The following VPS13B variants were observed in gnomAD, a reference collection of about 807,000 sequenced individuals.
VPS13B encodes the protein vacuolar protein sorting 13 homolog B.
Under a neutral mutation model 426.4 loss-of-function variants are expected in VPS13B, and 285 were observed. The observed-to-expected ratio is 0.67, with a 90% CI of 0.61 to 0.74. VPS13B has a LOEUF of 0.74. VPS13B is among the 30% of genes least tolerant of loss of function. The pLI is 0.00. For missense variants in VPS13B, 4,537 were observed against 4,782.6 expected (o/e 0.95, Z 1.51); for synonymous variants, 1,676 against 1,676.4 (o/e 1.00, Z 0.01).
intron 2 of VPS13B, among the ~76,000 whole-genome samples, chr8:99,027,644 GTT>G (rs1842207883): frequency 6.6e-6 from 1 of 151,774 alleles, no homozygotes; most frequent in Non-Finnish European, 1.5e-5. Flanking sequence ...CTCACAGTTT[GTT>G]TTCTTTCATC....
Position 99,055,514 on chromosome 8 carries a change from A to G in VPS13B, c.291+16948A>G, listed in dbSNP as rs570481439. ...TTAACGATGTTAAGTATAGTGATCC[A>G]TGAACATGGGATGCCTTTCTATTTA... On this transcript the variant is annotated intron_variant, in intron 3 of 61. Coordinates refer to ENST00000357162, the MANE Select transcript of VPS13B (RefSeq NM_152564.5). Among the ~76,000 whole-genome samples, 236 of 152,328 alleles carry G rather than the reference A, an allele frequency of 1.5e-3. 1 individual carries two copies. Among genetic ancestry groups the G allele is most frequent in the Middle Eastern group, 3.4e-3 (1 of 294 alleles).
At chr8:99,319,630 A>G (rs1330611791) in intron 19 of VPS13B, among the ~76,000 whole-genome samples, 2 of 152,176 alleles carry the variant, frequency 1.3e-5, no homozygotes, top group Admixed American at 6.5e-5. Flanking sequence ...CAGAAACACT[A>G]ATTTTTAAAA....
At chr8:99,228,754 G>A (rs770063471) in intron 17 of VPS13B, among the ~76,000 whole-genome samples, 11 of 152,168 alleles carry the variant, frequency 7.2e-5, no homozygotes, top group Non-Finnish European at 1.3e-4. Flanking sequence ...TACAGATTGC[G>A]GGAGCTCCTT....
rs554272433 is a variant in VPS13B at position 99,842,019 on chromosome 8, C to T, written c.9942+6281C>T. Among the ~76,000 whole-genome samples, 10 of 152,318 alleles carry T rather than the reference C, an allele frequency of 6.6e-5. No individual in the cohort carries two copies. In the East Asian group the frequency reaches 1.9e-3, roughly 29 times the overall value. ...CCGTCTCACTCCTGTTCCCCCTCTA[C>T]AGGCCAGGGCTCAATCACCTCTTCC... is the stretch of plus-strand genomic sequence containing the variant. On this transcript the variant is annotated intron_variant, in intron 54 of 61. Transcript: ENST00000357162.
intron 20 of VPS13B, among the ~76,000 whole-genome samples, chr8:99,389,062 T>C (rs984827091): frequency 1.3e-5 from 2 of 151,970 alleles, no homozygotes; most frequent in Admixed American, 1.3e-4. Context: ...GGCAGGAGAA[T>C]CGCTTGAACC....
intron 25 of VPS13B, among the ~76,000 whole-genome samples, chr8:99,500,836 G>A (rs760319845): frequency 2.0e-5 from 3 of 152,142 alleles, no homozygotes; most frequent in Non-Finnish European, 4.4e-5. Flanking sequence ...TTCTGCATTT[G>A]AGACTGAAGC....
At chr8:99,806,358 T>G (rs1240568075) in intron 43 of VPS13B, among the ~76,000 whole-genome samples, 1 of 152,194 alleles carries the variant, frequency 6.6e-6, no homozygotes, top group Non-Finnish European at 1.5e-5. Flanking sequence ...ACTATCATCT[T>G]TGCCAGTTGA....
At chr8:99,631,194 C>G (rs999927548) in intron 33 of VPS13B, among the ~76,000 whole-genome samples, 4 of 151,856 alleles carry the variant, frequency 2.6e-5, no homozygotes, top group African/African-American at 9.7e-5. Flanking sequence ...TCTTGTTGTT[C>G]CAGGTCCAAA....
chr8:99,694,579 A>G (rs867570188), intron 35 of VPS13B, among the ~76,000 whole-genome samples: 2,111 of 100,516 alleles, frequency 0.021, 33 homozygotes, highest in Middle Eastern at 0.065. Flanking sequence ...CGTTAGACCT[A>G]AAACCATAAA....
chr8:99,409,578 A>G (rs949010303), intron 21 of VPS13B, among the ~76,000 whole-genome samples: 3 of 152,186 alleles, frequency 2.0e-5, no homozygotes, highest in African/African-American at 7.2e-5. Flanking sequence ...TAAATTACCA[A>G]AAAATAATCA....
At chr8:99,211,151 A>G (rs1815068889) in intron 17 of VPS13B, among the ~76,000 whole-genome samples, 1 of 152,084 alleles carries the variant, frequency 6.6e-6, no homozygotes, top group African/African-American at 2.4e-5. Context: ...AAATTTTCTT[A>G]TAGGAATGAG....
At chr8:99,727,331 A>G (rs985628748) in intron 39 of VPS13B, among the ~76,000 whole-genome samples, 15 of 152,242 alleles carry the variant, frequency 9.9e-5, no homozygotes, top group Non-Finnish European at 1.5e-4. Context: ...AGACAAAGAT[A>G]TGCAAAGTAA....
chr8:99,865,136 T>C (rs1365221230), intron 58 of VPS13B, among the ~76,000 whole-genome samples: 1 of 152,170 alleles, frequency 6.6e-6, no homozygotes, highest in Non-Finnish European at 1.5e-5. Flanking sequence ...CATGACAGTT[T>C]TCCAAGAGCA....
chr8:99,677,545 A>G (rs1445946650), intron 35 of VPS13B, among the ~76,000 whole-genome samples: 3 of 152,202 alleles, frequency 2.0e-5, no homozygotes, highest in South Asian at 2.1e-4. Context: ...TTTTTCAACT[A>G]TAACTTTTAT....
chr8:99,184,945 G>T (rs374554231), intron 16 of VPS13B, among the ~76,000 whole-genome samples: 1 of 152,150 alleles, frequency 6.6e-6, no homozygotes, highest in Non-Finnish European at 1.5e-5. Flanking sequence ...AGCTGAGATC[G>T]TGCCACTGCA....
intron 58 of VPS13B, among the ~76,000 whole-genome samples, chr8:99,867,176 A>T (rs1817150142): frequency 6.6e-6 from 1 of 152,218 alleles, no homozygotes. Context: ...TTTGAATTGA[A>T]AACAGAGAAT....
chr8:99,135,541 G>A (rs1810028657), intron 10 of VPS13B, 55 bp from the exon 11 acceptor site: 3 of 1,588,286 alleles, frequency 1.9e-6, no homozygotes, highest in South Asian at 2.3e-5. Flanking sequence ...GTTTTATTTT[G>A]TTTAACAGGC....
chr8:99,778,611 A>G (rs1265774178), intron 41 of VPS13B, 71 bp from the exon 42 acceptor site: 23 of 1,351,426 alleles, frequency 1.7e-5, no homozygotes, highest in Non-Finnish European at 2.1e-5. Context: ...TTTGAATGTC[A>G]TTTCACTCTT....
At chr8:99,444,961 C>T (rs1333237958) in intron 23 of VPS13B, among the ~76,000 whole-genome samples, 1 of 151,954 alleles carries the variant, frequency 6.6e-6, no homozygotes, top group African/African-American at 2.4e-5. Context: ...ATATTTTCTT[C>T]TATTCAAATC....
Sources: allele counts gnomAD v4.1 joint callset (sites outside exome capture counted in the v4.1 genomes callset), GRCh38; gene constraint gnomAD v4.1.1; transcripts MANE v1.5; gene names NCBI Gene and HGNC (gene_info 2026-07-23, HGNC 2026-07-21).